The following PARVA variants were observed in gnomAD, a reference collection of about 807,000 sequenced individuals.
The protein encoded by PARVA is parvin alpha.
In PARVA, 25 loss-of-function variants were observed where a neutral mutation model predicts 52.6. That is an observed-to-expected ratio of 0.48 (90% CI 0.35 to 0.66). PARVA has a LOEUF of 0.66. Among genes scored for constraint, PARVA ranks in the 30% least tolerant of loss-of-function variants. The pLI is 0.01. For synonymous variants in PARVA, 185 were observed against 179.1 expected, an observed-to-expected ratio of 1.03 and a Z score of -0.26; for missense variants, 373 against 450.9, an observed-to-expected ratio of 0.83 and a Z score of 1.56.
At position 12,508,564 on chromosome 11, in the gene PARVA, T is replaced by C. The variant is rs565964013; in HGVS notation, c.658-20T>C. The C allele has an allele frequency of 2.5e-6, 4 of 1,577,530 alleles. No individual in the cohort carries two copies. In the South Asian group the frequency reaches 4.4e-5, roughly 18 times the overall value. The stretch of plus-strand genomic sequence containing the variant: ...AGTTTTCTCTTCTCCTCCCAACCCC[T>C]TTCCCCACCCCCATTTCAGAAACGA... On this transcript the variant is annotated intron_variant, in intron 6 of 12. Transcript: ENST00000334956.
intron 1 of PARVA, among the ~76,000 whole-genome samples, chr11:12,413,534 A>T (rs1940022167): frequency 6.6e-6 from 1 of 152,228 alleles, no homozygotes. Context: ...TTTGTATTCA[A>T]AAGATTCTTG....
At chr11:12,510,850 T>C (rs1370244831) in intron 7 of PARVA, among the ~76,000 whole-genome samples, 2 of 152,176 alleles carry the variant, frequency 1.3e-5, no homozygotes, top group African/African-American at 2.4e-5. Flanking sequence ...AAGTTGAGAT[T>C]TGGGGAGGGA....
At chr11:12,443,383 G>T (rs1425023759) in intron 1 of PARVA, among the ~76,000 whole-genome samples, 4 of 150,968 alleles carry the variant, frequency 2.6e-5, no homozygotes, top group Non-Finnish European at 5.9e-5. Flanking sequence ...TGTTGGCCAG[G>T]ATGGTCTCAA....
chr11:12,525,166 G>C (rs570524400), intron 12 of PARVA, among the ~76,000 whole-genome samples: 1 of 152,178 alleles, frequency 6.6e-6, no homozygotes, highest in Non-Finnish European at 1.5e-5. Flanking sequence ...TAGGCAGGTC[G>C]GGTCAGGTTA....
intron 1 of PARVA, among the ~76,000 whole-genome samples, chr11:12,429,863 C>T (rs959813696): frequency 6.6e-6 from 1 of 152,134 alleles, no homozygotes; most frequent in African/African-American, 2.4e-5. Context: ...AAACCTCTTT[C>T]AGCTTCAGTA....
At chr11:12,487,239 A>T (rs1169882505) in intron 4 of PARVA, among the ~76,000 whole-genome samples, 2 of 152,170 alleles carry the variant, frequency 1.3e-5, no homozygotes, top group Admixed American at 1.3e-4. Flanking sequence ...GATCTTGTTT[A>T]CTTTGAGAGT....
Position 12,377,858 on chromosome 11 carries a change from G to A in PARVA, c.136+75G>A, listed in dbSNP as rs528066196. 4,601 of 1,146,590 alleles carry A rather than the reference G, an allele frequency of 4.0e-3. 27 individuals carry two copies. Among genetic ancestry groups the A allele is most frequent in the Non-Finnish European group, 3.5e-3 (3,052 of 878,204 alleles). The allele number at this position is 1,146,590 out of a possible 1,614,324, so 71.0% of individuals were successfully genotyped here. On this transcript the variant is annotated intron_variant, in intron 1 of 12. Transcript: ENST00000334956. ...TAGGGGCCGAGGGGCCGGGGCACTG[G>A]GACCGGGCGGGAGCGCGCCGCGGGT...
chr11:12,419,716 A>G (rs2134983013), intron 1 of PARVA, among the ~76,000 whole-genome samples: 1 of 152,284 alleles, frequency 6.6e-6, no homozygotes, highest in South Asian at 2.1e-4. Flanking sequence ...TAGCTGCACC[A>G]TTTTACATTC....
intron 1 of PARVA, among the ~76,000 whole-genome samples, chr11:12,439,486 T>C (rs530645155): frequency 1.3e-5 from 2 of 152,296 alleles, no homozygotes; most frequent in South Asian, 4.1e-4. Flanking sequence ...AATGGGAGCA[T>C]GAAGTAGATG....
At chr11:12,516,513 C>T (rs140751138) in intron 10 of PARVA, among the ~76,000 whole-genome samples, 31 of 152,244 alleles carry the variant, frequency 2.0e-4, no homozygotes, top group African/African-American at 4.6e-4. Flanking sequence ...CAGCAGCCTC[C>T]GCACTTAGCT....
chr11:12,411,776 G>A (rs1248075065), intron 1 of PARVA, among the ~76,000 whole-genome samples: 2 of 152,104 alleles, frequency 1.3e-5, no homozygotes, highest in Admixed American at 6.5e-5. Context: ...GATGTTTATG[G>A]GGAGTCTAAA....
chr11:12,422,959 A>G (rs989681666), intron 1 of PARVA, among the ~76,000 whole-genome samples: 1 of 152,060 alleles, frequency 6.6e-6, no homozygotes, highest in African/African-American at 2.4e-5. Flanking sequence ...GGTTCAAGCA[A>G]TTCTCGCGCC....
intron 1 of PARVA, 95 bp downstream of exon 1, chr11:12,377,878 G>A (rs1299294770): frequency 9.3e-6 from 8 of 855,748 alleles, no homozygotes; most frequent in Non-Finnish European, 3.1e-6. Context: ...GGAGCGCGCC[G>A]CGGGTGCCCG....
At chr11:12,460,477 A>G (rs1359291713) in intron 1 of PARVA, among the ~76,000 whole-genome samples, 2 of 151,896 alleles carry the variant, frequency 1.3e-5, no homozygotes, top group African/African-American at 2.4e-5. Context: ...GGGACATACA[A>G]TGTGTGTGCC....
At chr11:12,479,124 T>G (rs2135042419) in intron 4 of PARVA, 1 of 152,346 alleles carries the variant, frequency 6.6e-6, no homozygotes, top group South Asian at 2.1e-4. Flanking sequence ...CATTGCTGCA[T>G]TTTTATATAT....
At chr11:12,463,210 G>A (rs1940808170) in intron 1 of PARVA, among the ~76,000 whole-genome samples, 1 of 152,068 alleles carries the variant, frequency 6.6e-6, no homozygotes, top group Non-Finnish European at 1.5e-5. Flanking sequence ...TACAGTTAGT[G>A]ATATATTACT....
chr11:12,496,402 T>G, intron 4 of PARVA, 56 bp from the exon 5 acceptor site: 2 of 1,534,166 alleles, frequency 1.3e-6, no homozygotes, highest in African/African-American at 2.7e-5. Flanking sequence ...GTGCATGCAG[T>G]AGGGTTGTCT....
intron 1 of PARVA, among the ~76,000 whole-genome samples, chr11:12,456,407 A>T (rs1268572806): frequency 6.6e-6 from 1 of 152,112 alleles, no homozygotes; most frequent in Non-Finnish European, 1.5e-5. Flanking sequence ...AGGCTAATTC[A>T]AACTGTATCA....
intron 1 of PARVA, among the ~76,000 whole-genome samples, chr11:12,450,867 C>T (rs1290790616): frequency 1.3e-5 from 2 of 152,212 alleles, no homozygotes; most frequent in African/African-American, 4.8e-5. Flanking sequence ...CTCCTACCTG[C>T]TTTATTCTAG....
Sources: allele counts gnomAD v4.1 joint callset (sites outside exome capture counted in the v4.1 genomes callset), GRCh38; gene constraint gnomAD v4.1.1; transcripts MANE v1.5; gene names NCBI Gene and HGNC (gene_info 2026-07-23, HGNC 2026-07-21).